WDPCP: variants seen among roughly 807,000 people sequenced by gnomAD.
WDPCP encodes the protein WD repeat containing planar cell polarity effector.
Under a neutral mutation model 93.1 loss-of-function variants are expected in WDPCP, and 71 were observed. That is an observed-to-expected ratio of 0.76 (90% CI 0.63 to 0.93). The LOEUF is 0.93. Ranked by LOEUF, WDPCP falls within the 40% of genes least tolerant of loss-of-function variation. WDPCP has a pLI of 0.00. For missense variants in WDPCP, 844 were observed against 887.4 expected, an observed-to-expected ratio of 0.95 and a Z score of 0.62; for synonymous variants, 315 against 315.0, an observed-to-expected ratio of 1.00 and a Z score of 0.00.
At chr2:63,489,661 A>T (rs1173876715) in intron 2 of WDPCP, among the ~76,000 whole-genome samples, 1 of 152,148 alleles carries the variant, frequency 6.6e-6, no homozygotes, top group Non-Finnish European at 1.5e-5. Context: ...GCCAGCTTGA[A>T]GAGGGTCCCT....
chr2:63,546,017 C>A (rs974875867), intron 1 of WDPCP, among the ~76,000 whole-genome samples: 2 of 152,114 alleles, frequency 1.3e-5, no homozygotes, highest in Non-Finnish European at 2.9e-5. Flanking sequence ...CTCCTAAGAT[C>A]TGACAGCCAT....
the WDPCP span, among the ~76,000 whole-genome samples, chr2:63,835,652 T>A: frequency 6.6e-6 from 1 of 151,690 alleles, no homozygotes; most frequent in African/African-American, 2.4e-5. Flanking sequence ...ATAAAAAAAA[T>A]AATAAAATGG....
chr2:63,701,206 C>T (rs1298853704), intron 2 of WDPCP, among the ~76,000 whole-genome samples: 1 of 152,064 alleles, frequency 6.6e-6, no homozygotes, highest in Non-Finnish European at 1.5e-5. Context: ...TCTGAATAGA[C>T]ATTTTTCAAA....
At chr2:63,684,450 A>AC in intron 2 of WDPCP, 1 of 836,956 alleles carries the variant, frequency 1.2e-6, no homozygotes, top group Non-Finnish European at 2.1e-6. Flanking sequence ...ATTGACTGCT[A>AC]CCCCCGCAAA....
intron 15 of WDPCP, among the ~76,000 whole-genome samples, chr2:63,154,518 C>T (rs1471436507): frequency 6.6e-6 from 1 of 152,154 alleles, no homozygotes; most frequent in African/African-American, 2.4e-5. Context: ...TATTCCATTA[C>T]AGATGTGTGT....
intron 12 of WDPCP, among the ~76,000 whole-genome samples, chr2:63,354,490 G>C (rs895780589): frequency 1.3e-5 from 2 of 152,144 alleles, no homozygotes; most frequent in African/African-American, 2.4e-5. Context: ...AGCACTAATA[G>C]GGAAAATGGC....
intron 17 of WDPCP, among the ~76,000 whole-genome samples, chr2:63,126,181 G>C (rs988698891): frequency 4.6e-5 from 7 of 150,938 alleles, no homozygotes; most frequent in Non-Finnish European, 8.9e-5. Context: ...TGATCCGCCT[G>C]CCTTGACCTC....
chr2:63,355,961 T>G (rs2104602969), intron 12 of WDPCP, among the ~76,000 whole-genome samples: 1 of 152,230 alleles, frequency 6.6e-6, no homozygotes, highest in Non-Finnish European at 1.5e-5. Context: ...AATGCCCCAC[T>G]TTTTAAAAGG....
intron 6 of WDPCP, among the ~76,000 whole-genome samples, chr2:63,460,773 C>G (rs1394748451): frequency 6.6e-6 from 1 of 151,972 alleles, no homozygotes; most frequent in Non-Finnish European, 1.5e-5. Context: ...ACTACAGGTG[C>G]CTGCCACCAC....
chr2:63,220,248 A>G (rs995096390), intron 14 of WDPCP, among the ~76,000 whole-genome samples: 10 of 152,070 alleles, frequency 6.6e-5, no homozygotes, highest in Non-Finnish European at 1.5e-4. Context: ...AGAGCTGGCC[A>G]TGGAGTTTTT....
At chr2:63,709,629 C>A (rs1669230471) in intron 2 of WDPCP, among the ~76,000 whole-genome samples, 1 of 152,142 alleles carries the variant, frequency 6.6e-6, no homozygotes, top group African/African-American at 2.4e-5. Flanking sequence ...TAAATTGTTT[C>A]AATTCTTAAC....
rs370842356 is a variant in WDPCP at position 63,382,064 on chromosome 2, A to G, written c.1466T>C (p.Ile489Thr). 5.6e-6 allele frequency: 9 copies of G among 1,613,156 alleles called. No individual in the cohort carries two copies. The highest frequency in any genetic ancestry group is 2.7e-5 in the African/African-American group (2 of 74,904). The stretch of plus-strand genomic sequence containing the variant: ...GTGAATGTACTGGAAGATGATGTCT[A>G]TCAGGCCCAGCTGTCCTCGAGTGAA... ...GVFTRGQLGLIDIIFQYIHCD... is the reference protein window; with the variant it reads ...GVFTRGQLGLTDIIFQYIHCD... The change falls in exon 11 of 18, where the codon ATA (isoleucine) becomes ACA (threonine). Residue 489 changes from isoleucine (I) to threonine (T), a missense_variant. By Grantham distance (89) the Ile-to-Thr change is moderately conservative. Coordinates refer to ENST00000272321, the MANE Select transcript of WDPCP (RefSeq NM_015910.7).
chr2:63,675,736 T>A (rs1194081558), intron 2 of WDPCP, among the ~76,000 whole-genome samples: 1 of 152,220 alleles, frequency 6.6e-6, no homozygotes, highest in African/African-American at 2.4e-5. Context: ...TGTTTAATAA[T>A]TTATTTAGGA....
intron 2 of WDPCP, among the ~76,000 whole-genome samples, chr2:63,791,168 T>C (rs757125687): frequency 3.3e-5 from 5 of 152,178 alleles, no homozygotes; most frequent in Admixed American, 6.5e-5. Context: ...TAGCCCCACA[T>C]ATAATTGCTC....
chr2:63,627,282 T>C (rs1709820065), intron 3 of WDPCP, among the ~76,000 whole-genome samples: 1 of 152,182 alleles, frequency 6.6e-6, no homozygotes, highest in Non-Finnish European at 1.5e-5. Flanking sequence ...CCACTGACGA[T>C]TTTTACACCC....
At chr2:63,474,922 G>C (rs1026320427) in intron 6 of WDPCP, among the ~76,000 whole-genome samples, 17 of 152,112 alleles carry the variant, frequency 1.1e-4, no homozygotes, top group African/African-American at 4.1e-4. Context: ...TGAATAGTGG[G>C]TAATACTGAG....
intron 14 of WDPCP, among the ~76,000 whole-genome samples, chr2:63,176,817 A>T (rs1177413079): frequency 6.6e-6 from 1 of 152,184 alleles, no homozygotes; most frequent in African/African-American, 2.4e-5. Flanking sequence ...GGTGTCACAT[A>T]CAAGAAATCA....
intron 17 of WDPCP, among the ~76,000 whole-genome samples, chr2:63,123,578 A>G (rs1399992288): frequency 2.0e-5 from 3 of 151,956 alleles, no homozygotes; most frequent in Admixed American, 6.5e-5. Context: ...TTGCATTTTA[A>G]AAAGACTTCA....
chr2:63,186,969 CCTA>C (rs1674691573), intron 14 of WDPCP, among the ~76,000 whole-genome samples: 1 of 152,058 alleles, frequency 6.6e-6, no homozygotes, highest in Non-Finnish European at 1.5e-5. Context: ...ATTGAAATCT[CCTA>C]CTATTACTGT....
Sources: gnomAD v4.1 joint callset for allele counts (sites outside exome capture counted in the v4.1 genomes callset) on GRCh38, gnomAD v4.1.1 for gene constraint, MANE v1.5 for transcripts, NCBI Gene and HGNC (gene_info 2026-07-23, HGNC 2026-07-21) for gene names.